The following EPHA3 variants were observed in gnomAD, a reference collection of about 807,000 sequenced individuals.
EPHA3 encodes the protein ephrin type-A receptor 3.
Under a neutral mutation model 107.1 loss-of-function variants are expected in EPHA3, and 42 were observed. The ratio of observed to expected loss-of-function variants is 0.39; its 90% CI spans 0.31 to 0.51. EPHA3 has a LOEUF of 0.51. EPHA3 is among the 20% of genes least tolerant of loss of function. The probability of loss-of-function intolerance (pLI) is 0.78; values close to 1 mark genes in which losing one functional copy is unlikely to be tolerated. For synonymous variants in EPHA3, 461 were observed against 424.8 expected, an observed-to-expected ratio of 1.09 and a Z score of -1.05; for missense variants, 1,183 against 1,211.2, an observed-to-expected ratio of 0.98 and a Z score of 0.35.
chr3:89,130,540 A>G (rs1429682196), intron 2 of EPHA3, among the ~76,000 whole-genome samples: 1 of 151,268 alleles, frequency 6.6e-6, no homozygotes, highest in East Asian at 1.9e-4. Flanking sequence ...TTCTATTTCT[A>G]TTCTTCCTTT....
At chr3:89,181,260 CAGA>C (rs549854535) in intron 2 of EPHA3, among the ~76,000 whole-genome samples, 186 of 152,024 alleles carry the variant, frequency 1.2e-3, no homozygotes, top group African/African-American at 4.4e-3. Context: ...TTGAAGACCA[CAGA>C]AGAATTTCTG....
intron 16 of EPHA3, among the ~76,000 whole-genome samples, chr3:89,473,284 C>G (rs2107576062): frequency 6.6e-6 from 1 of 152,108 alleles, no homozygotes; most frequent in South Asian, 2.1e-4. Context: ...GTGTTAAAAA[C>G]CAATAATAAT....
intron 3 of EPHA3, among the ~76,000 whole-genome samples, chr3:89,334,711 G>A (rs188555863): frequency 2.0e-5 from 3 of 152,188 alleles, no homozygotes; most frequent in Non-Finnish European, 2.9e-5. Flanking sequence ...CTCTAATCTG[G>A]GAATACGTAA....
chr3:89,427,091 T>A (rs754788414), intron 11 of EPHA3, among the ~76,000 whole-genome samples: 18 of 151,892 alleles, frequency 1.2e-4, no homozygotes, highest in Non-Finnish European at 2.5e-4. Context: ...ATTTTTCAGA[T>A]ATTACTACAT....
chr3:89,449,012 C>G (rs771936471), intron 13 of EPHA3, among the ~76,000 whole-genome samples: 11 of 151,430 alleles, frequency 7.3e-5, no homozygotes, highest in Non-Finnish European at 1.2e-4. Context: ...TTTCAAAATC[C>G]TTCCAAATTA....
chr3:89,224,260 A>G (rs1704448590), intron 3 of EPHA3, among the ~76,000 whole-genome samples: 1 of 152,204 alleles, frequency 6.6e-6, no homozygotes, highest in Non-Finnish European at 1.5e-5. Context: ...TAAAATAGAG[A>G]CATAATCCAA....
chr3:89,312,664 C>G (rs1373833662), intron 3 of EPHA3, among the ~76,000 whole-genome samples: 1 of 151,744 alleles, frequency 6.6e-6, no homozygotes, highest in Non-Finnish European at 1.5e-5. Context: ...GTTTGTTGAA[C>G]AGATTATTTC....
rs1003440330 is a variant in EPHA3 at position 89,187,294 on chromosome 3, T to G, written c.154-22566T>G. 2.0e-5 allele frequency among the ~76,000 whole-genome samples: 3 copies of G among 148,946 alleles called. No individual in the cohort carries two copies. In the Admixed American group the frequency reaches 2.0e-4, roughly 10 times the overall value. On this transcript the variant is annotated intron_variant, in intron 2 of 16. Coordinates refer to ENST00000336596, the MANE Select transcript of EPHA3 (RefSeq NM_005233.6). ...TATGAATGTATTTAATATATGAGTCTATACATTACCGATTTATTAGTATTC... is the reference window on the plus strand; with the variant it reads ...TATGAATGTATTTAATATATGAGTCGATACATTACCGATTTATTAGTATTC...
chr3:89,480,948 A>G lies in EPHA3; in HGVS notation c.*1446A>G. ...AAGCAGGAGAGAAATTTCTCATCAC[A>G]GGGATTTAGACTTACTATTACATAA... On this transcript the variant is annotated 3_prime_UTR_variant, in exon 17 of 17. Coordinates refer to ENST00000336596, the MANE Select transcript of EPHA3 (RefSeq NM_005233.6). The G allele has an allele frequency of 1.3e-5, 3 of 231,852 alleles. No individual in the cohort carries two copies. The highest frequency in any genetic ancestry group is 1.7e-5 in the Non-Finnish European group (2 of 117,008). 14.4% of individuals were successfully genotyped at this position (231,852 alleles called of 1,614,324 possible).
chr3:89,449,506 G>C, intron 14 of EPHA3, 132 bp downstream of exon 14: 1 of 721,652 alleles, frequency 1.4e-6, no homozygotes, highest in African/African-American at 1.8e-5. Flanking sequence ...CAATGAAACT[G>C]TTTCCAAGTC....
intron 3 of EPHA3, among the ~76,000 whole-genome samples, chr3:89,226,541 A>G (rs1704508247): frequency 6.6e-6 from 1 of 152,148 alleles, no homozygotes; most frequent in Admixed American, 6.6e-5. Flanking sequence ...TTGTCATAAC[A>G]TACAGTATTT....
chr3:89,154,426 A>T lies in EPHA3; in HGVS notation c.153+27153A>T, dbSNP rs146956733. Reference sequence around the variant, plus strand: ...TTTTTTTTCAGAAAAAGTTATGAGTATCAATGGACTGTGTGGTGCTTATAT... The same window carrying T: ...TTTTTTTTCAGAAAAAGTTATGAGTTTCAATGGACTGTGTGGTGCTTATAT... On this transcript the variant is annotated intron_variant, in intron 2 of 16. Transcript: ENST00000336596. Among the ~76,000 whole-genome samples, 17 of 152,128 alleles carry T rather than the reference A, an allele frequency of 1.1e-4. No homozygotes were observed. In the East Asian group the frequency reaches 3.3e-3, roughly 29 times the overall value.
intron 2 of EPHA3, among the ~76,000 whole-genome samples, chr3:89,142,296 T>C (rs1704449449): frequency 6.6e-6 from 1 of 151,412 alleles, no homozygotes; most frequent in Non-Finnish European, 1.5e-5. Context: ...TGATTCTTAA[T>C]AGAAACTTTG....
Position 89,342,105 on chromosome 3 carries a change from G to T in EPHA3, c.1306+15G>T. The T allele has an allele frequency of 6.3e-7, 1 of 1,591,846 alleles. No homozygotes were observed. Among genetic ancestry groups the T allele is most frequent in the South Asian group, 1.1e-5 (1 of 88,916 alleles). On this transcript the variant is annotated intron_variant, in intron 5 of 16. Coordinates refer to ENST00000336596, the MANE Select transcript of EPHA3 (RefSeq NM_005233.6). Reference sequence around the variant, plus strand: ...TAATCAGGCTGGTGAGTACATACTAGATGCTTCTTACTCTTATCATATCAC... The same window carrying T: ...TAATCAGGCTGGTGAGTACATACTATATGCTTCTTACTCTTATCATATCAC...
chr3:89,320,860 T>C (rs1707026250), intron 3 of EPHA3, among the ~76,000 whole-genome samples: 1 of 152,082 alleles, frequency 6.6e-6, no homozygotes, highest in African/African-American at 2.4e-5. Context: ...CTCTCAGTAG[T>C]TGCTGTGTAT....
At chr3:89,151,990 G>C (rs1704700042) in intron 2 of EPHA3, among the ~76,000 whole-genome samples, 1 of 151,852 alleles carries the variant, frequency 6.6e-6, no homozygotes, top group South Asian at 2.1e-4. Flanking sequence ...TTAAATTACA[G>C]ATTTTCCACA....
chr3:89,476,766 C>T (rs1576398887), intron 16 of EPHA3, among the ~76,000 whole-genome samples: 1 of 151,730 alleles, frequency 6.6e-6, no homozygotes, highest in East Asian at 2.0e-4. Context: ...CGCCACCACG[C>T]CCCGCTAATT....
At chr3:89,404,462 T>A (rs1709018946) in intron 7 of EPHA3, among the ~76,000 whole-genome samples, 1 of 152,116 alleles carries the variant, frequency 6.6e-6, no homozygotes, top group Non-Finnish European at 1.5e-5. Context: ...AATCACTCTT[T>A]TGAGAGAGAA....
At chr3:89,272,079 C>T (rs1705682880) in intron 3 of EPHA3, among the ~76,000 whole-genome samples, 1 of 151,652 alleles carries the variant, frequency 6.6e-6, no homozygotes, top group South Asian at 2.1e-4. Flanking sequence ...TATATAATAC[C>T]TATAACATAC....
Sources: allele counts gnomAD v4.1 joint callset (sites outside exome capture counted in the v4.1 genomes callset), GRCh38; gene constraint gnomAD v4.1.1; transcripts MANE v1.5; gene names NCBI Gene and HGNC (gene_info 2026-07-23, HGNC 2026-07-21).